Variants in IPO5 observed in about 807,000 individuals in gnomAD.
IPO5 encodes importin-5.
IPO5 carries 18 observed loss-of-function variants against 143.3 expected under a neutral mutation model. The observed-to-expected ratio is 0.13, with a 90% CI of 0.09 to 0.19. The LOEUF (loss-of-function observed/expected upper bound fraction) is 0.19, where lower values mean the gene tolerates loss of function less well. IPO5 is among the 10% of genes least tolerant of loss of function. IPO5 has a pLI of 1.00. For missense variants in IPO5, 1,013 were observed against 1,336.9 expected (o/e 0.76, Z 3.78); for synonymous variants, 477 against 465.7 (o/e 1.02, Z -0.31).
chr13:98,008,243 A>C, intron 18 of IPO5, 101 bp downstream of exon 18: 1 of 668,928 alleles, frequency 1.5e-6, no homozygotes, highest in East Asian at 2.7e-5. Context: ...TTCTTGACAT[A>C]CTATCAACCC....
intron 16 of IPO5, among the ~76,000 whole-genome samples, chr13:98,005,679 A>T (rs1889179870): frequency 6.6e-6 from 1 of 152,110 alleles, no homozygotes; most frequent in South Asian, 2.1e-4. Context: ...CCTTCGTGCG[A>T]TCTTCTGGGG....
chr13:98,003,905 GGCAGAAATACAGAAGTTGTAGAA>G (rs1889000479), intron 16 of IPO5, among the ~76,000 whole-genome samples: 1 of 152,086 alleles, frequency 6.6e-6, no homozygotes, highest in East Asian at 1.9e-4. Flanking sequence ...TAACCAGAGT[GGCAGAAATACAGAAGTTGTAGAA>G]GCAACATCAT....
chr13:97,976,488 G>C (rs1886324981), intron 3 of IPO5: 1 of 152,578 alleles, frequency 6.6e-6, no homozygotes, highest in South Asian at 2.1e-4. Flanking sequence ...CGCCGGCGCC[G>C]GCGGCCGCGG....
At chr13:97,981,768 A>G (rs1398729582) in intron 4 of IPO5, among the ~76,000 whole-genome samples, 1 of 152,194 alleles carries the variant, frequency 6.6e-6, no homozygotes, top group Non-Finnish European at 1.5e-5. Context: ...TGGACAGCAT[A>G]TAGTTGGTTC....
rs1890061134 is a variant in IPO5, at chr13:98,015,427, A to G, written c.2326-103A>G. Reference sequence around the variant, plus strand: ...GCATATGTAAATAATCTTCCAGGATACTGAACTGTGTTCATTTTTCCATAT... The same window carrying G: ...GCATATGTAAATAATCTTCCAGGATGCTGAACTGTGTTCATTTTTCCATAT... On this transcript the variant is annotated intron_variant, in intron 22 of 28. Transcript: ENST00000651721. The G allele has an allele frequency of 5.9e-6, 4 of 679,330 alleles. No homozygotes were observed. In the Admixed American group the frequency reaches 1.0e-4, roughly 17 times the overall value. 42.1% of individuals were successfully genotyped at this position (679,330 alleles called of 1,614,324 possible). A position where few individuals can be genotyped will look rare whatever the true frequency, so the allele number is the denominator to read the frequency against.
At chr13:97,986,593 G>C (rs112069122) in intron 6 of IPO5, among the ~76,000 whole-genome samples, 1,885 of 152,090 alleles carry the variant, frequency 0.012, 43 homozygotes, top group African/African-American at 0.043. Flanking sequence ...CAGGTGATCT[G>C]CCCATCTCGG....
chr13:98,019,416 C>A (rs562608812), intron 26 of IPO5, among the ~76,000 whole-genome samples, 165 bp from the exon 27 acceptor site: 2 of 152,308 alleles, frequency 1.3e-5, no homozygotes, highest in East Asian at 1.9e-4. Context: ...GGCAGTCCCC[C>A]CTCTGTTGCC....
intron 2 of IPO5, among the ~76,000 whole-genome samples, chr13:97,955,604 C>G (rs1300531488): frequency 6.6e-6 from 1 of 152,172 alleles, no homozygotes; most frequent in East Asian, 1.9e-4. Flanking sequence ...TCTACCACAA[C>G]CCAGTGACAT....
chr13:98,015,242 T>TTTTGTGTG (rs1555311876), intron 22 of IPO5, among the ~76,000 whole-genome samples: 1 of 147,724 alleles, frequency 6.8e-6, no homozygotes, highest in Non-Finnish European at 1.5e-5. Context: ...TAGGAGCTGG[T>TTTTGTGTG]TGTGTGTGTG....
In IPO5 at chr13:98,021,937, A is replaced by G. The variant is rs1890524633; in HGVS notation, c.*115A>G. On this transcript the variant is annotated 3_prime_UTR_variant, in exon 29 of 29. Transcript: ENST00000651721. ...AGATCGGTAGTGTTGTGTGTAGGCC[A>G]TTCTTCTGGAGAGCCACAAGCAGGA... 1 of 559,762 alleles carries G rather than the reference A, an allele frequency of 1.8e-6. No homozygotes were observed. The highest frequency in any genetic ancestry group is 3.0e-6 in the Non-Finnish European group (1 of 328,938). 34.7% of individuals were successfully genotyped at this position (559,762 alleles called of 1,614,324 possible).
chr13:98,016,860 T>TA lies in IPO5; in HGVS notation c.2616+10dup. On this transcript the variant is annotated intron_variant, in intron 25 of 28. Transcript: ENST00000651721. ...TAATTGTCAACCTCATTGTAAGTGT[T>TA]ACCTCTCTTAATAGTTGTTTTGCGT... 1 of 1,532,978 alleles carries TA rather than the reference T, an allele frequency of 6.5e-7. No individual in the cohort carries two copies. The highest frequency in any genetic ancestry group is 8.7e-7 in the Non-Finnish European group (1 of 1,147,838). 95.0% of individuals were successfully genotyped at this position (1,532,978 alleles called of 1,614,324 possible).
At chr13:97,957,121 A>T (rs994467864) in intron 2 of IPO5, among the ~76,000 whole-genome samples, 2 of 152,158 alleles carry the variant, frequency 1.3e-5, no homozygotes, top group African/African-American at 4.8e-5. Context: ...GTATAAACAA[A>T]ACTAGAAAAA....
intron 3 of IPO5, among the ~76,000 whole-genome samples, chr13:97,975,092 T>C (rs1430513579): frequency 6.6e-6 from 1 of 152,230 alleles, no homozygotes; most frequent in African/African-American, 2.4e-5. Context: ...TACTATGTAC[T>C]GCCAGCGGTG....
intron 21 of IPO5, among the ~76,000 whole-genome samples, chr13:98,012,568 T>C (rs1889793361): frequency 6.6e-6 from 1 of 152,244 alleles, no homozygotes; most frequent in African/African-American, 2.4e-5. Flanking sequence ...CAGCTTTCTG[T>C]GGCCCACTTA....
chr13:97,985,303 A>C, intron 5 of IPO5, 118 bp from the exon 6 acceptor site: 1 of 745,844 alleles, frequency 1.3e-6, no homozygotes, highest in South Asian at 1.9e-5. Flanking sequence ...ATGTAATTAG[A>C]AAGAGTTATA....
rs1053829607 is a variant in IPO5 at position 98,023,143 on chromosome 13, A to T, written c.*1321A>T. ...ATAGAAAATAGAATGGATTACATACAGATGGTTTCCTTGTTAGCAGATGCC... is the reference window on the plus strand; with the variant it reads ...ATAGAAAATAGAATGGATTACATACTGATGGTTTCCTTGTTAGCAGATGCC... On this transcript the variant is annotated 3_prime_UTR_variant, in exon 29 of 29. Coordinates refer to ENST00000651721, the MANE Select transcript of IPO5 (RefSeq NM_002271.6). 6.5e-6 allele frequency: 1 copy of T among 152,676 alleles called. No homozygotes were observed. Among genetic ancestry groups the T allele is most frequent in the Non-Finnish European group, 1.5e-5 (1 of 68,046 alleles). 9.5% of individuals were successfully genotyped at this position (152,676 alleles called of 1,614,324 possible). A position where few individuals can be genotyped will look rare whatever the true frequency, so the allele number is the denominator to read the frequency against.
chr13:97,953,790 G>A (rs1180172280), intron 1 of IPO5, 74 bp downstream of exon 1: 2 of 388,770 alleles, frequency 5.1e-6, no homozygotes, highest in South Asian at 3.9e-5. Flanking sequence ...ACAATTTAGC[G>A]TGATACTGGA....
chr13:97,984,735 C>T (rs1038513501), intron 5 of IPO5, among the ~76,000 whole-genome samples: 4 of 151,780 alleles, frequency 2.6e-5, no homozygotes, highest in South Asian at 2.1e-4. Context: ...TTGGGGAAAT[C>T]GAGAGCAGGA....
chr13:97,959,927 C>A (rs1451299040), intron 2 of IPO5, among the ~76,000 whole-genome samples: 5 of 152,208 alleles, frequency 3.3e-5, no homozygotes, highest in Non-Finnish European at 7.3e-5. Context: ...ACCGTGGAAT[C>A]CCCACAGCCT....
Sources: allele counts gnomAD v4.1 joint callset (sites outside exome capture counted in the v4.1 genomes callset), GRCh38; gene constraint gnomAD v4.1.1; transcripts MANE v1.5; gene names NCBI Gene and HGNC (gene_info 2026-07-23, HGNC 2026-07-21).